The following PCDHA3 variants were observed in gnomAD, a reference collection of about 807,000 sequenced individuals.
PCDHA3 encodes the protein protocadherin alpha-3.
A neutral mutation model predicts 62.2 loss-of-function variants in PCDHA3; 41 were observed. The ratio of observed to expected loss-of-function variants is 0.66; its 90% confidence interval spans 0.51 to 0.86. The LOEUF (loss-of-function observed/expected upper bound fraction) is 0.86, where lower values mean the gene tolerates loss of function less well. PCDHA3 is among the 40% of genes least tolerant of loss of function. The pLI is 0.00. For missense variants in PCDHA3, 1,304 were observed against 1,241.2 expected (o/e 1.05, Z -0.76); for synonymous variants, 640 against 555.4 (o/e 1.15, Z -2.14).
rs1554122208 is a variant in PCDHA3, at chr5:140,802,556, G to A, written c.1359G>A (p.Pro453=). ...VEVADVNDNA[P]AFSQSEYTVF... ...TGGCCGACGTGAACGACAATGCGCC[G>A]GCATTCTCGCAGTCCGAGTACACGG... The change falls in exon 1 of 4, where the codon CCG becomes CCA. Residue 453 remains proline, a synonymous_variant. Transcript: ENST00000522353. 1 of 1,614,200 alleles carries A rather than the reference G, an allele frequency of 6.2e-7. No homozygotes were observed. Among genetic ancestry groups the A allele is most frequent in the Non-Finnish European group, 8.5e-7 (1 of 1,180,044 alleles).
chr5:140,996,301 AC>A (rs1306218777), intron 3 of PCDHA3, among the ~76,000 whole-genome samples: 1 of 152,240 alleles, frequency 6.6e-6, no homozygotes, highest in African/African-American at 2.4e-5. Context: ...ACAGATTGTA[AC>A]AAAGTAAGGG....
At chr5:140,983,463 C>T (rs1554245464) in intron 3 of PCDHA3, among the ~76,000 whole-genome samples, 1 of 152,208 alleles carries the variant, frequency 6.6e-6, no homozygotes, top group Non-Finnish European at 1.5e-5. Flanking sequence ...AATAGAACAT[C>T]ATGATGATAA....
intron 1 of PCDHA3, chr5:140,856,868 A>C: frequency 6.3e-7 from 1 of 1,595,926 alleles, no homozygotes; most frequent in Non-Finnish European, 8.6e-7. Flanking sequence ...AGGAATAAAC[A>C]AGGAAATGAT....
At position 140,877,217 on chromosome 5, in the gene PCDHA3, C is replaced by T. The variant is rs571871387; in HGVS notation, c.2394+73626C>T. ...GGAGGCGCAGTTAGCGAGTTGGTAC[C>T]GCGGTCGGTGGGTGCGGGCCACGTG... On this transcript the variant is annotated intron_variant, in intron 1 of 3. Coordinates refer to ENST00000522353, the MANE Select transcript of PCDHA3 (RefSeq NM_018906.3). 144 of 1,613,624 alleles carry T rather than the reference C, an allele frequency of 8.9e-5. No individual in the cohort carries two copies. Among genetic ancestry groups the T allele is most frequent in the Non-Finnish European group, 1.2e-4 (138 of 1,179,784 alleles).
At position 140,892,846 on chromosome 5, in the gene PCDHA3, A is replaced by G. The variant is rs1301960107; in HGVS notation, c.2395-86103A>G. Among the ~76,000 whole-genome samples, 3 of 152,112 alleles carry G rather than the reference A, an allele frequency of 2.0e-5. No homozygotes were observed. In the East Asian group the frequency reaches 5.8e-4, roughly 29 times the overall value. On this transcript the variant is annotated intron_variant, in intron 1 of 3. Transcript: ENST00000522353. ...TGCTACAGTGCTGCAAAACACCACA[A>G]CCCATTCCTCCTGTGTAGCTATAAT...
chr5:140,856,147 A>T lies in PCDHA3; in HGVS notation c.2394+52556A>T, dbSNP rs142037616. ...TGGGGAGCGGCCAGCTCCACTACTC[A>T]GTCTACGAGGAGGCCAGACACGGCA... is the stretch of plus-strand genomic sequence containing the variant. On this transcript the variant is annotated intron_variant, in intron 1 of 3. Transcript: ENST00000522353. 363 of 1,598,234 alleles carry T rather than the reference A, an allele frequency of 2.3e-4. 22 individuals are homozygous for T. In the African/African-American group the frequency reaches 3.7e-3, roughly 16 times the overall value.
At chr5:140,806,720 C>G (rs1554123668) in intron 1 of PCDHA3, among the ~76,000 whole-genome samples, 2 of 152,176 alleles carry the variant, frequency 1.3e-5, no homozygotes, top group Non-Finnish European at 2.9e-5. Flanking sequence ...TTCTAATCAA[C>G]AGTTTACAGT....
chr5:140,937,805 G>T (rs1192616946), intron 1 of PCDHA3, among the ~76,000 whole-genome samples: 1 of 149,924 alleles, frequency 6.7e-6, no homozygotes, highest in Admixed American at 6.6e-5. Flanking sequence ...CCAGCTACTC[G>T]GGAAGCTGAG....
At chr5:140,808,274 G>T (rs781840422) in intron 1 of PCDHA3, 4 of 1,614,206 alleles carry the variant, frequency 2.5e-6, no homozygotes, top group Non-Finnish European at 3.4e-6. Context: ...TAGAGAGGAC[G>T]CTCCACTGGG....
At chr5:140,925,740 G>T (rs1008956010) in intron 1 of PCDHA3, among the ~76,000 whole-genome samples, 19 of 151,764 alleles carry the variant, frequency 1.3e-4, no homozygotes, top group African/African-American at 4.6e-4. Flanking sequence ...AATATTTACA[G>T]AAAGAAAATT....
At chr5:140,966,950 G>A (rs782713044) in intron 1 of PCDHA3, 3 of 1,603,480 alleles carry the variant, frequency 1.9e-6, no homozygotes, top group Non-Finnish European at 2.5e-6. Flanking sequence ...GGGCAACGTG[G>A]CTCGCGCGCT....
At chr5:140,893,011 T>C (rs1194599055) in intron 1 of PCDHA3, among the ~76,000 whole-genome samples, 1 of 152,234 alleles carries the variant, frequency 6.6e-6, no homozygotes, top group Non-Finnish European at 1.5e-5. Flanking sequence ...TATTTTTCTG[T>C]GCCTGACTTA....
intron 1 of PCDHA3, chr5:140,848,198 C>A (rs891964710): frequency 3.2e-6 from 1 of 311,390 alleles, no homozygotes; most frequent in Non-Finnish European, 5.9e-6. Flanking sequence ...TCTGTTTCAA[C>A]AATCATTACT....
chr5:140,926,852 T>C, intron 1 of PCDHA3: 2 of 1,517,714 alleles, frequency 1.3e-6, no homozygotes, highest in Non-Finnish European at 1.8e-6. Flanking sequence ...GGGTCACCGT[T>C]GGTGTAGCGT....
At chr5:140,875,447 C>G (rs532829491) in intron 1 of PCDHA3, 1 of 1,584,206 alleles carries the variant, frequency 6.3e-7, no homozygotes, top group African/African-American at 1.4e-5. Flanking sequence ...CTGATTGTCC[C>G]AACTCAGAGG....
chr5:140,851,225 C>G, intron 1 of PCDHA3: 4 of 1,141,878 alleles, frequency 3.5e-6, no homozygotes, highest in Non-Finnish European at 3.3e-6. Context: ...ACATCACTAT[C>G]ATTTATTTAT....
intron 1 of PCDHA3, among the ~76,000 whole-genome samples, chr5:140,960,605 A>G (rs1405858302): frequency 6.6e-6 from 1 of 152,184 alleles, no homozygotes; most frequent in Non-Finnish European, 1.5e-5. Flanking sequence ...TACTTCAACA[A>G]TATCTAGTGT....
chr5:140,823,565 A>G, intron 1 of PCDHA3: 1 of 1,613,806 alleles, frequency 6.2e-7, no homozygotes, highest in Non-Finnish European at 8.5e-7. Flanking sequence ...CGCGCAGTGG[A>G]CCCTGATTCG....
chr5:140,977,876 G>A (rs1425308379), intron 1 of PCDHA3, among the ~76,000 whole-genome samples: 3 of 152,190 alleles, frequency 2.0e-5, no homozygotes, highest in Non-Finnish European at 2.9e-5. Flanking sequence ...TAAGTATAAT[G>A]TAGAGGAAAA....
Sources: allele counts gnomAD v4.1 joint callset (sites outside exome capture counted in the v4.1 genomes callset), GRCh38; gene constraint gnomAD v4.1.1; transcripts MANE v1.5; gene names NCBI Gene and HGNC (gene_info 2026-07-23, HGNC 2026-07-21).